EPHA5: variants seen among roughly 807,000 people sequenced by gnomAD.
EPHA5 encodes EPH receptor A5.
Under a neutral mutation model 105.0 loss-of-function variants are expected in EPHA5, and 60 were observed. That is an observed-to-expected ratio of 0.57 (90% CI 0.46 to 0.71). The LOEUF (loss-of-function observed/expected upper bound fraction) is 0.71, where lower values mean the gene tolerates loss of function less well. Ranked by LOEUF, EPHA5 falls within the 30% of genes least tolerant of loss-of-function variation. The probability of loss-of-function intolerance (pLI) is 0.00; values close to 1 mark genes in which losing one functional copy is unlikely to be tolerated. For synonymous variants in EPHA5, 513 were observed against 449.1 expected (o/e 1.14, Z -1.80); for missense variants, 1,218 against 1,274.7 (o/e 0.96, Z 0.68).
intron 3 of EPHA5, among the ~76,000 whole-genome samples, chr4:65,501,683 C>G (rs765954693): frequency 5.9e-5 from 9 of 151,514 alleles, no homozygotes; most frequent in Non-Finnish European, 1.2e-4. Context: ...ACTACGCAAA[C>G]CAATGTACAG....
intron 8 of EPHA5, among the ~76,000 whole-genome samples, chr4:65,397,658 T>C (rs142900786): frequency 6.6e-6 from 1 of 151,952 alleles, no homozygotes; most frequent in Admixed American, 6.6e-5. Flanking sequence ...TCACACTTGA[T>C]CCATGCACAC....
chr4:65,656,055 C>T (rs1302414993), intron 1 of EPHA5, among the ~76,000 whole-genome samples: 1 of 148,784 alleles, frequency 6.7e-6, no homozygotes, highest in Non-Finnish European at 1.5e-5. Flanking sequence ...CCAGGAAGCC[C>T]AATAATTCTT....
At chr4:65,467,500 A>C (rs76547830) in intron 5 of EPHA5, among the ~76,000 whole-genome samples, 2 of 152,204 alleles carry the variant, frequency 1.3e-5, no homozygotes, top group African/African-American at 4.8e-5. Flanking sequence ...TCTCTTAGTA[A>C]CTTGACTTTA....
chr4:65,333,784 T>C (rs1282331545), intron 15 of EPHA5, among the ~76,000 whole-genome samples: 1 of 151,648 alleles, frequency 6.6e-6, no homozygotes, highest in Non-Finnish European at 1.5e-5. Context: ...GATTCTTCTA[T>C]ATCCATATGC....
chr4:65,377,696 A>C (rs1186803244), intron 8 of EPHA5, among the ~76,000 whole-genome samples: 1 of 152,018 alleles, frequency 6.6e-6, no homozygotes, highest in Non-Finnish European at 1.5e-5. Context: ...TACAGAATAC[A>C]TGCATTTTTC....
At chr4:65,450,624 T>C (rs939895430) in intron 5 of EPHA5, among the ~76,000 whole-genome samples, 3 of 152,172 alleles carry the variant, frequency 2.0e-5, no homozygotes, top group African/African-American at 7.2e-5. Flanking sequence ...TTATTAATCA[T>C]ATCAAACAAT....
chr4:65,539,975 A>G (rs1736661908), intron 3 of EPHA5, among the ~76,000 whole-genome samples: 2 of 151,522 alleles, frequency 1.3e-5, no homozygotes, highest in Non-Finnish European at 3.0e-5. Context: ...CATTCTACAG[A>G]GGCATTCATT....
chr4:65,500,567 C>A (rs965960486), intron 3 of EPHA5, among the ~76,000 whole-genome samples: 16 of 149,868 alleles, frequency 1.1e-4, no homozygotes, highest in Non-Finnish European at 2.2e-4. Context: ...ATTAAACTGA[C>A]AAATTGCATC....
intron 5 of EPHA5, among the ~76,000 whole-genome samples, chr4:65,478,863 T>G (rs1730086066): frequency 6.6e-6 from 1 of 152,208 alleles, no homozygotes; most frequent in Non-Finnish European, 1.5e-5. Context: ...AAGCTCAATA[T>G]TTTAAGAAAT....
At chr4:65,591,068 C>T (rs1333450887) in intron 3 of EPHA5, among the ~76,000 whole-genome samples, 1 of 151,990 alleles carries the variant, frequency 6.6e-6, no homozygotes, top group Non-Finnish European at 1.5e-5. Flanking sequence ...GCTTACTGAC[C>T]TTCATGAAAT....
chr4:65,347,119 C>T (rs1422998148), intron 14 of EPHA5, among the ~76,000 whole-genome samples: 1 of 152,110 alleles, frequency 6.6e-6, no homozygotes, highest in Non-Finnish European at 1.5e-5. Flanking sequence ...ATCTGTCTAA[C>T]CAACCCTGAA....
intron 8 of EPHA5, among the ~76,000 whole-genome samples, chr4:65,367,893 A>T (rs1245555634): frequency 1.3e-5 from 2 of 151,782 alleles, no homozygotes; most frequent in East Asian, 3.9e-4. Context: ...CAGTTGCTCC[A>T]CTGGCTGTTT....
intron 1 of EPHA5, among the ~76,000 whole-genome samples, chr4:65,658,232 T>G (rs1001946842): frequency 1.3e-5 from 2 of 152,034 alleles, no homozygotes; most frequent in Non-Finnish European, 2.9e-5. Flanking sequence ...GCTCATAGGA[T>G]CCTATTGCAC....
At chr4:65,505,582 G>T (rs1732928408) in intron 3 of EPHA5, among the ~76,000 whole-genome samples, 1 of 152,034 alleles carries the variant, frequency 6.6e-6, no homozygotes, top group Non-Finnish European at 1.5e-5. Flanking sequence ...AGCCAAAAAT[G>T]TCAAGGGATG....
intron 14 of EPHA5, among the ~76,000 whole-genome samples, chr4:65,347,134 T>A (rs915492478): frequency 2.6e-5 from 4 of 152,092 alleles, no homozygotes; most frequent in Non-Finnish European, 5.9e-5. Context: ...CCTGAAGGCA[T>A]GAGAGAGGGA....
At chr4:65,582,018 T>C (rs1471683409) in intron 3 of EPHA5, among the ~76,000 whole-genome samples, 1 of 151,766 alleles carries the variant, frequency 6.6e-6, no homozygotes, top group Non-Finnish European at 1.5e-5. Flanking sequence ...TTGGTTTGCT[T>C]GTTTTGCTGT....
intron 13 of EPHA5, among the ~76,000 whole-genome samples, chr4:65,349,957 T>G (rs1472839484): frequency 6.6e-6 from 1 of 152,136 alleles, no homozygotes; most frequent in Non-Finnish European, 1.5e-5. Flanking sequence ...TCTCAGTGTA[T>G]AGATTTTCCA....
In EPHA5 at chr4:65,371,157, T is replaced by C. The variant is rs141611164; in HGVS notation, c.1794-3733A>G. 1.8e-3 allele frequency among the ~76,000 whole-genome samples: 276 copies of C among 152,276 alleles called. 6 individuals are homozygous for C. Among genetic ancestry groups the C allele is most frequent in the Admixed American group, 0.016 (251 of 15,262 alleles). On this transcript the variant is annotated intron_variant, in intron 8 of 16. Coordinates refer to ENST00000613740, the MANE Select transcript of EPHA5 (RefSeq NM_001281766.3). ...TTCATATCACGATTTTAATGAACTT[T>C]GAAATTATTTTACTAAAAACATCTG...
At chr4:65,632,671 A>G (rs890661140) in intron 2 of EPHA5, among the ~76,000 whole-genome samples, 14 of 152,056 alleles carry the variant, frequency 9.2e-5, no homozygotes, top group African/African-American at 3.1e-4. Flanking sequence ...GTGATCTGCT[A>G]GAGGTGAAGA....
Sources: gnomAD v4.1 joint callset for allele counts (sites outside exome capture counted in the v4.1 genomes callset) on GRCh38, gnomAD v4.1.1 for gene constraint, MANE v1.5 for transcripts, NCBI Gene and HGNC (gene_info 2026-07-23, HGNC 2026-07-21) for gene names.